GFY: variants seen among roughly 807,000 people sequenced by gnomAD.
The protein encoded by GFY is golgi associated olfactory signaling regulator.
GFY carries 28 observed loss-of-function variants against 29.1 expected under a neutral mutation model. The observed-to-expected ratio is 0.96, with a 90% CI of 0.71 to 1.32. The LOEUF is 1.32. Among genes scored for constraint, GFY ranks in the 40% most tolerant of loss-of-function variants. The probability of loss-of-function intolerance (pLI) is 0.00; values close to 1 mark genes in which losing one functional copy is unlikely to be tolerated. For missense variants in GFY, 656 were observed against 661.9 expected, an observed-to-expected ratio of 0.99 and a Z score of 0.10; for synonymous variants, 277 against 274.5, an observed-to-expected ratio of 1.01 and a Z score of -0.09.
rs1239749769 is a variant in GFY at position 49,426,571 on chromosome 19, T to C, written c.141T>C (p.Gly47=). ...AHPSETSPLK[G]ASENSKRDRL... ...CCTCTGAGACTTCCCCTCTGAAGGGTGCTTCTGAAAATTCCAAACGAGATC... is the reference window on the plus strand; with the variant it reads ...CCTCTGAGACTTCCCCTCTGAAGGGCGCTTCTGAAAATTCCAAACGAGATC... Residue 47 remains glycine (G), a synonymous_variant, in exon 2 of 4, where the codon GGT becomes GGC. Coordinates refer to ENST00000610896, the MANE Select transcript of GFY (RefSeq NM_001195256.2). 4 of 1,535,704 alleles carry C rather than the reference T, an allele frequency of 2.6e-6. No homozygotes were observed. The highest frequency in any genetic ancestry group is 1.4e-5 in the African/African-American group (1 of 72,888).
At position 49,427,600 on chromosome 19, in the gene GFY, AG is replaced by A; in HGVS notation, c.1171del (p.Val391Ter). The A allele has an allele frequency of 6.8e-7, 1 of 1,468,102 alleles. No individual in the cohort carries two copies. The highest frequency in any genetic ancestry group is 9.0e-7 in the Non-Finnish European group (1 of 1,116,390). 90.9% of individuals were successfully genotyped at this position (1,468,102 alleles called of 1,614,324 possible). ...GVNTIIVVERVKETGVTLVGR... is the reference protein window; with the variant it reads ...GVNTIIVVERXKETGVTLVGR... ...TCAACACCATCATCGTGGTGGAGCG[AG>A]TGAAGGAGACCGGTGAGGGGCAGGA... On this transcript the variant is annotated frameshift_variant, in exon 2 of 4. Transcript: ENST00000610896. LOFTEE classifies it high-confidence loss of function.
At chr19:49,426,072 C>G (rs143459526) in intron 1 of GFY, among the ~76,000 whole-genome samples, 45 of 152,318 alleles carry the variant, frequency 3.0e-4, no homozygotes, top group African/African-American at 7.2e-4. Context: ...CACGTCCCCT[C>G]GAAGCCCTGA....
Position 49,428,760 on chromosome 19 carries a change from G to A in GFY, c.1499G>A (p.Gly500Asp). The change falls in exon 4 of 4, where the codon GGT becomes GAT. Residue 500 changes from glycine to aspartate, a missense_variant. By Grantham distance (94) the Gly-to-Asp change is moderately conservative (BLOSUM62 -1). Coordinates refer to ENST00000610896, the MANE Select transcript of GFY (RefSeq NM_001195256.2). ...AAGCTGCCCCCGCCGCCCCGCGGGG[G>A]TCGCCCGCAGCGTCTGGAGGCCCTG... Reference protein sequence around the residue: ...PPKLPPPPRGGRPQRLEALSP... With the variant: ...PPKLPPPPRGDRPQRLEALSP... 1.3e-6 allele frequency: 2 copies of A among 1,511,808 alleles called. No homozygotes were observed. Among genetic ancestry groups the A allele is most frequent in the Non-Finnish European group, 1.8e-6 (2 of 1,135,212 alleles). 93.6% of individuals were successfully genotyped at this position (1,511,808 alleles called of 1,614,324 possible).
At chr19:49,424,266 G>T (rs1284235388), upstream of GFY, among the ~76,000 whole-genome samples, 2 of 152,126 alleles carry the variant, frequency 1.3e-5, no homozygotes, top group African/African-American at 2.4e-5. Context: ...GTTTGAGATG[G>T]AGTCTTGCTC....
At position 49,427,629 on chromosome 19, in the gene GFY, C is replaced by A. The variant is rs1568631973; in HGVS notation, c.1183+16C>A. ...AAGGAGACCGGTGAGGGGCAGGAGC[C>A]GGACTCCTGAGTCTGAGGGAGGGGC... On this transcript the variant is annotated intron_variant, in intron 2 of 3. Coordinates refer to ENST00000610896, the MANE Select transcript of GFY (RefSeq NM_001195256.2). 2 of 1,415,386 alleles carry A rather than the reference C, an allele frequency of 1.4e-6. No individual in the cohort carries two copies. Among genetic ancestry groups the A allele is most frequent in the Non-Finnish European group, 9.2e-7 (1 of 1,090,494 alleles). 87.7% of individuals were successfully genotyped at this position (1,415,386 alleles called of 1,614,324 possible).
chr19:49,425,069 T>C (rs1975059095), upstream of GFY, among the ~76,000 whole-genome samples: 1 of 149,830 alleles, frequency 6.7e-6, no homozygotes, highest in Non-Finnish European at 1.5e-5. Context: ...TTCCTGAATC[T>C]GAGGAAGGAA....
Position 49,426,416 on chromosome 19 carries a change from G to GT in GFY, c.-14dup. On this transcript the variant is annotated 5_prime_UTR_variant, in exon 2 of 4. Transcript: ENST00000610896. ...TTCCCGCTCTCCCCCGCAGCTATAG[G>GT]TATCTGCCAGAGCTATGAAATCATT... 1 of 1,522,978 alleles carries GT rather than the reference G, an allele frequency of 6.6e-7. No homozygotes were observed. The highest frequency in any genetic ancestry group is 1.4e-5 in the African/African-American group (1 of 72,736). 94.3% of individuals were successfully genotyped at this position (1,522,978 alleles called of 1,614,324 possible).
At position 49,428,936 on chromosome 19, in the gene GFY, C is replaced by A. The variant is rs1264777238; in HGVS notation, c.*118C>A. On this transcript the variant is annotated 3_prime_UTR_variant, in exon 4 of 4. Coordinates refer to ENST00000610896, the MANE Select transcript of GFY (RefSeq NM_001195256.2). ...AGGGTCTAATATACAGAGATGCTTG[C>A]GCTGTGATCAGAGAACAAGGTCTGA... 1.6e-5 allele frequency: 10 copies of A among 636,068 alleles called. No individual in the cohort carries two copies. The highest frequency in any genetic ancestry group is 8.4e-5 in the South Asian group (3 of 35,926). The allele number at this position is 636,068 out of a possible 1,614,324, so 39.4% of individuals were successfully genotyped here.
chr19:49,426,511 G>T lies in GFY; in HGVS notation c.81G>T (p.Leu27=), dbSNP rs1195523270. Reference sequence around the variant, plus strand: ...CCAAGGCCGCTCCCTCAGCCCCTCTGCCTTTGGGCTGTGGCTTTCCGGACA... The same window carrying T: ...CCAAGGCCGCTCCCTCAGCCCCTCTTCCTTTGGGCTGTGGCTTTCCGGACA... ...LRSKAAPSAP[L]PLGCGFPDMA... is the part of the protein sequence containing the mutation. Residue 27 remains leucine, a synonymous_variant, in exon 2 of 4, where the codon CTG becomes CTT. Transcript: ENST00000610896. 1 of 1,536,100 alleles carries T rather than the reference G, an allele frequency of 6.5e-7. No individual in the cohort carries two copies. Among genetic ancestry groups the T allele is most frequent in the Non-Finnish European group, 8.7e-7 (1 of 1,146,894 alleles).
Position 49,428,720 on chromosome 19 carries a change from C to T in GFY, c.1459C>T (p.Pro487Ser), listed in dbSNP as rs1286866964. The T allele has an allele frequency of 4.6e-6, 7 of 1,531,006 alleles. No homozygotes were observed. Among genetic ancestry groups the T allele is most frequent in the South Asian group, 1.2e-5 (1 of 83,490 alleles). The allele number at this position is 1,531,006 out of a possible 1,614,324, so 94.8% of individuals were successfully genotyped here. ...CGCCACCAAGCAGCCCCCGCCCACA[C>T]CTCCTCTGCCACCAAAGCTGCCCCC... ...HIATKQPPPTPPLPPKLPPPP... is the reference protein window; with the variant it reads ...HIATKQPPPTSPLPPKLPPPP... The change falls in exon 4 of 4, where the codon CCT becomes TCT. Residue 487 changes from proline (P) to serine (S), a missense_variant. Pro to Ser is a moderately conservative substitution (Grantham distance 74). Transcript: ENST00000610896.
chr19:49,428,919 A>G lies in GFY; in HGVS notation c.*101A>G. 1.3e-6 allele frequency: 1 copy of G among 756,408 alleles called. No individual in the cohort carries two copies. The highest frequency in any genetic ancestry group is 2.0e-6 in the Non-Finnish European group (1 of 505,790). 46.9% of individuals were successfully genotyped at this position (756,408 alleles called of 1,614,324 possible). A position where few individuals can be genotyped will look rare whatever the true frequency, so the allele number is the denominator to read the frequency against. On this transcript the variant is annotated 3_prime_UTR_variant, in exon 4 of 4. Transcript: ENST00000610896. Reference sequence around the variant, plus strand: ...AGTAGTGCCCCGGATAAAGGGTCTAATATACAGAGATGCTTGCGCTGTGAT... The same window carrying G: ...AGTAGTGCCCCGGATAAAGGGTCTAGTATACAGAGATGCTTGCGCTGTGAT...
chr19:49,426,375 G>A lies in GFY; in HGVS notation c.-21-35G>A, dbSNP rs141768808. 37 of 1,451,046 alleles carry A rather than the reference G, an allele frequency of 2.5e-5. No homozygotes were observed. The African/African-American group carries it at 3.4e-4, about 13-fold the overall frequency. The allele number at this position is 1,451,046 out of a possible 1,614,324, so 89.9% of individuals were successfully genotyped here. ...GTGGGCGGGGCTCCTGGGAGCCTTC[G>A]GCCTTAACCCCTTCCTTCCCGCTCT... On this transcript the variant is annotated intron_variant, in intron 1 of 3. Transcript: ENST00000610896.
chr19:49,428,061 G>A lies in GFY; in HGVS notation c.1299G>A (p.Arg433=), dbSNP rs1363683505. The A allele has an allele frequency of 6.5e-7, 1 of 1,535,622 alleles. No individual in the cohort carries two copies. ...TGCTGCTGTGGTGTCTTTACCGCCGGGCAGCTAGACAGCGGCCCTTCGCAC... is the reference window on the plus strand; with the variant it reads ...TGCTGCTGTGGTGTCTTTACCGCCGAGCAGCTAGACAGCGGCCCTTCGCAC... The part of the protein sequence containing the change: ...IFVLLWCLYR[R]AARQRPFAHH... Residue 433 remains arginine, a synonymous_variant, in exon 3 of 4, where the codon CGG becomes CGA. Transcript: ENST00000610896.
At chr19:49,424,749 C>G (rs1293075783), upstream of GFY, among the ~76,000 whole-genome samples, 1 of 151,754 alleles carries the variant, frequency 6.6e-6, no homozygotes, top group Non-Finnish European at 1.5e-5. Context: ...GCAGGAAAAT[C>G]GCTTGAACCT....
In GFY at chr19:49,426,445, C is replaced by T. The variant is rs1427419782; in HGVS notation, c.15C>T (p.Ser5=). The T allele has an allele frequency of 3.9e-6, 6 of 1,534,850 alleles. No homozygotes were observed. Among genetic ancestry groups the T allele is most frequent in the Non-Finnish European group, 5.2e-6 (6 of 1,146,182 alleles). The stretch of plus-strand genomic sequence containing the variant: ...CTGCCAGAGCTATGAAATCATTCAG[C>T]CGGATCCTCTTCCTCGTCTTCCTCC... MKSF[S]RILFLVFLLA... Residue 5 remains serine (S), a synonymous_variant, in exon 2 of 4, where the codon AGC becomes AGT. Transcript: ENST00000610896.
chr19:49,428,632 C>T lies in GFY; in HGVS notation c.1371C>T (p.Asp457=), dbSNP rs1351837806. 3.4e-6 allele frequency: 5 copies of T among 1,464,222 alleles called. No individual in the cohort carries two copies. Among genetic ancestry groups the T allele is most frequent in the South Asian group, 1.3e-5 (1 of 79,260 alleles). The allele number at this position is 1,464,222 out of a possible 1,614,324, so 90.7% of individuals were successfully genotyped here. The change falls in exon 4 of 4, where the codon GAC becomes GAT. Residue 457 remains aspartate, a synonymous_variant. Transcript: ENST00000610896. ...DDGDEPVLHL[D]APKDPYDLYF... is the part of the protein sequence containing the mutation. Reference sequence around the variant, plus strand: ...TTGCACCCACAGTTCTGCATTTGGACGCCCCGAAAGACCCCTACGACCTCT... The same window carrying T: ...TTGCACCCACAGTTCTGCATTTGGATGCCCCGAAAGACCCCTACGACCTCT...
At chr19:49,425,938 A>C (rs1975067536) in intron 1 of GFY, among the ~76,000 whole-genome samples, 1 of 152,056 alleles carries the variant, frequency 6.6e-6, no homozygotes, top group Non-Finnish European at 1.5e-5. Context: ...CTTAACCCAG[A>C]GCCCAAATGT....
At position 49,426,607 on chromosome 19, in the gene GFY, A is replaced by G; in HGVS notation, c.177A>G (p.Pro59=). 2 of 1,536,006 alleles carry G rather than the reference A, an allele frequency of 1.3e-6. No homozygotes were observed. The highest frequency in any genetic ancestry group is 1.7e-6 in the Non-Finnish European group (2 of 1,146,880). The change falls in exon 2 of 4, where the codon CCA becomes CCG. Residue 59 remains proline, a synonymous_variant. Transcript: ENST00000610896. ...SENSKRDRLN[P]EFPGTPYPEP... is the part of the protein sequence containing the mutation. ...ATTCCAAACGAGATCGCCTTAACCC[A>G]GAATTTCCTGGGACTCCTTACCCTG...
In GFY at chr19:49,426,805, C is replaced by T; in HGVS notation, c.375C>T (p.Leu125=). The T allele has an allele frequency of 6.5e-7, 1 of 1,535,862 alleles. No homozygotes were observed. Among genetic ancestry groups the T allele is most frequent in the Non-Finnish European group, 8.7e-7 (1 of 1,146,816 alleles). Residue 125 remains leucine, a synonymous_variant, in exon 2 of 4, where the codon CTC becomes CTT. Coordinates refer to ENST00000610896, the MANE Select transcript of GFY (RefSeq NM_001195256.2). ...SESLDMPKTN[L]SKMAHPESSE... ...CCCTGGACATGCCCAAAACTAACCT[C>T]TCCAAAATGGCACACCCAGAGTCTT...
Sources: gnomAD v4.1 joint callset for allele counts (sites outside exome capture counted in the v4.1 genomes callset) on GRCh38, gnomAD v4.1.1 for gene constraint, MANE v1.5 for transcripts, NCBI Gene and HGNC (gene_info 2026-07-23, HGNC 2026-07-21) for gene names.